Variants in SLC44A5 observed in about 807,000 individuals in gnomAD.
SLC44A5 encodes the protein solute carrier family 44 member 5, also known as choline transporter-like protein 5.
Under a neutral mutation model 101.8 loss-of-function variants are expected in SLC44A5, and 57 were observed. That is an observed-to-expected ratio of 0.56 (90% CI 0.45 to 0.70). The LOEUF (loss-of-function observed/expected upper bound fraction) is 0.70. Among genes scored for constraint, SLC44A5 ranks in the 30% least tolerant of loss-of-function variants. SLC44A5 has a pLI of 0.00. For missense variants in SLC44A5, 737 were observed against 853.1 expected (o/e 0.86, Z 1.70); for synonymous variants, 281 against 290.9 (o/e 0.97, Z 0.35).
At chr1:75,583,799 T>C (rs1673837689) in intron 1 of SLC44A5, among the ~76,000 whole-genome samples, 2 of 152,196 alleles carry the variant, frequency 1.3e-5, no homozygotes, top group African/African-American at 4.8e-5. Flanking sequence ...CTATATGCAG[T>C]ACTCTTGGGG....
chr1:75,507,720 A>G (rs1669348101), intron 2 of SLC44A5, among the ~76,000 whole-genome samples: 1 of 152,120 alleles, frequency 6.6e-6, no homozygotes, highest in Non-Finnish European at 1.5e-5. Flanking sequence ...GACTGATTCC[A>G]TTTCAGAACT....
rs1002936560 is a variant in SLC44A5, at chr1:75,245,302, T to C, written c.346-2291A>G. Among the ~76,000 whole-genome samples, 4 of 152,230 alleles carry C rather than the reference T, an allele frequency of 2.6e-5. No homozygotes were observed. The South Asian group carries it at 8.3e-4, about 32-fold the overall frequency. ...TTCAGAGAAAATATTAGTGGCTTCATAGGTATCTTTCTAAGAAAGCTGAAG... is the reference window on the plus strand; with the variant it reads ...TTCAGAGAAAATATTAGTGGCTTCACAGGTATCTTTCTAAGAAAGCTGAAG... On this transcript the variant is annotated intron_variant, in intron 7 of 23. Transcript: ENST00000370859.
intron 9 of SLC44A5, among the ~76,000 whole-genome samples, chr1:75,240,033 T>C (rs1219562089): frequency 6.6e-6 from 1 of 152,070 alleles, no homozygotes; most frequent in Non-Finnish European, 1.5e-5. Flanking sequence ...CTTGACCTTA[T>C]TTCATATATT....
chr1:75,226,856 T>C (rs1228578891), intron 13 of SLC44A5, among the ~76,000 whole-genome samples: 1 of 152,188 alleles, frequency 6.6e-6, no homozygotes, highest in Non-Finnish European at 1.5e-5. Flanking sequence ...AAAATCATCC[T>C]GCTTAAAAAA....
At chr1:75,233,274 G>C (rs1204450398) in intron 12 of SLC44A5, among the ~76,000 whole-genome samples, 1 of 152,058 alleles carries the variant, frequency 6.6e-6, no homozygotes, top group Non-Finnish European at 1.5e-5. Flanking sequence ...ATTGCATAGT[G>C]GCTCTTAGTG....
At chr1:75,500,190 C>T (rs13373792) in intron 2 of SLC44A5, among the ~76,000 whole-genome samples, 2 of 152,146 alleles carry the variant, frequency 1.3e-5, no homozygotes, top group East Asian at 1.9e-4. Flanking sequence ...TAAACCATGG[C>T]AATTTTAAGG....
intron 6 of SLC44A5, among the ~76,000 whole-genome samples, chr1:75,261,128 C>G (rs1356559705): frequency 6.6e-6 from 1 of 151,984 alleles, no homozygotes; most frequent in Admixed American, 6.6e-5. Flanking sequence ...GAAGCAAGAG[C>G]AAACAAATTC....
At chr1:75,229,395 A>T (rs956139520) in intron 12 of SLC44A5, among the ~76,000 whole-genome samples, 3 of 151,128 alleles carry the variant, frequency 2.0e-5, no homozygotes, top group Admixed American at 6.6e-5. Context: ...AAATTCTATG[A>T]CCTCATCTCC....
At chr1:75,707,303 G>A in the SLC44A5 span, among the ~76,000 whole-genome samples, 23 of 152,176 alleles carry the variant, frequency 1.5e-4, no homozygotes, top group Admixed American at 2.6e-4. Flanking sequence ...AGAAGCTGGA[G>A]CTGCTTGTTT....
At chr1:75,342,549 A>G (rs75445843) in intron 3 of SLC44A5, among the ~76,000 whole-genome samples, 1 of 47,292 alleles carries the variant, frequency 2.1e-5, no homozygotes, top group East Asian at 6.9e-3. Context: ...CCAACTCCAA[A>G]CAAAGCCTGT....
chr1:75,691,443 A>G, the SLC44A5 span, among the ~76,000 whole-genome samples: 3 of 152,234 alleles, frequency 2.0e-5, no homozygotes, highest in Non-Finnish European at 4.4e-5. Context: ...AAGACAAGCT[A>G]CAGAGTGAAA....
intron 2 of SLC44A5, among the ~76,000 whole-genome samples, chr1:75,439,104 T>G (rs1665049523): frequency 6.6e-6 from 1 of 152,128 alleles, no homozygotes; most frequent in African/African-American, 2.4e-5. Context: ...ACAGCCTTCA[T>G]TAATGAATTA....
chr1:75,431,010 T>A (rs1041703662), intron 2 of SLC44A5, among the ~76,000 whole-genome samples: 1 of 152,142 alleles, frequency 6.6e-6, no homozygotes, highest in East Asian at 1.9e-4. Flanking sequence ...AAGCGATGAA[T>A]CTTTACCAGT....
In SLC44A5 at chr1:75,554,469, CA is replaced by C. The variant is rs35263222; in HGVS notation, c.-69-12954del. ...CCTGAGCAACAGAGTGTGACTCTGT[CA>C]AAAAAAAAAAAAAAAAATGTAATTG... On this transcript the variant is annotated intron_variant, in intron 1 of 23. Coordinates refer to ENST00000370859, the MANE Select transcript of SLC44A5 (RefSeq NM_001130058.2). Among the ~76,000 whole-genome samples the C allele has an allele frequency of 5.7e-3, 707 of 123,340 alleles. 5 individuals are homozygous for C. The highest frequency in any genetic ancestry group is 0.017 in the African/African-American group (542 of 32,454). The allele number at this position is 123,340 out of a possible 152,430, so 80.9% of individuals were successfully genotyped here.
At chr1:75,476,618 G>A (rs1348759468) in intron 2 of SLC44A5, among the ~76,000 whole-genome samples, 2 of 152,254 alleles carry the variant, frequency 1.3e-5, no homozygotes, top group Non-Finnish European at 1.5e-5. Flanking sequence ...CTGGCTCGGA[G>A]GGTCCTACGC....
intron 1 of SLC44A5, among the ~76,000 whole-genome samples, chr1:75,542,230 A>T (rs745955017): frequency 6.6e-6 from 1 of 152,098 alleles, no homozygotes; most frequent in Non-Finnish European, 1.5e-5. Flanking sequence ...GTTACCATGT[A>T]CCCTTCACCC....
intron 2 of SLC44A5, among the ~76,000 whole-genome samples, chr1:75,515,586 T>C (rs1330313412): frequency 6.6e-6 from 1 of 152,246 alleles, no homozygotes; most frequent in African/African-American, 2.4e-5. Flanking sequence ...ATTCCATCAA[T>C]GTTGTTGCAG....
intron 2 of SLC44A5, among the ~76,000 whole-genome samples, chr1:75,453,432 T>A (rs1666012523): frequency 6.6e-6 from 1 of 152,058 alleles, no homozygotes; most frequent in Non-Finnish European, 1.5e-5. Flanking sequence ...ATCAAAAAGT[T>A]AGAAAGATCT....
chr1:75,557,540 T>G (rs1412989570), intron 1 of SLC44A5, among the ~76,000 whole-genome samples: 1 of 152,122 alleles, frequency 6.6e-6, no homozygotes, highest in East Asian at 1.9e-4. Context: ...TCTCTGGTGC[T>G]TTGTCAGGGT....
Sources: allele counts gnomAD v4.1 joint callset (sites outside exome capture counted in the v4.1 genomes callset), GRCh38; gene constraint gnomAD v4.1.1; transcripts MANE v1.5; gene names NCBI Gene and HGNC (gene_info 2026-07-23, HGNC 2026-07-21).